Variants in SLIT3 observed in about 807,000 individuals in gnomAD.
SLIT3 encodes slit homolog 3 protein.
A neutral mutation model predicts 184.0 loss-of-function variants in SLIT3; 68 were observed. The observed-to-expected ratio is 0.37, with a 90% confidence interval of 0.30 to 0.45. The LOEUF (loss-of-function observed/expected upper bound fraction) is 0.45, where lower values mean the gene tolerates loss of function less well. Among genes scored for constraint, SLIT3 ranks in the 20% least tolerant of loss-of-function variants. The pLI, the probability that SLIT3 is intolerant of heterozygous loss-of-function variation, is 1.00. For synonymous variants in SLIT3, 831 were observed against 828.6 expected (o/e 1.00, Z -0.05); for missense variants, 1,707 against 2,026.0 (o/e 0.84, Z 3.02).
At chr5:169,159,838 G>A (rs1411512022) in intron 4 of SLIT3, among the ~76,000 whole-genome samples, 2 of 152,128 alleles carry the variant, frequency 1.3e-5, no homozygotes, top group African/African-American at 4.8e-5. Flanking sequence ...AAGCAAAAGT[G>A]CTACATGGCT....
At chr5:168,957,137 G>A (rs1188951105) in intron 4 of SLIT3, among the ~76,000 whole-genome samples, 3 of 150,598 alleles carry the variant, frequency 2.0e-5, no homozygotes, top group East Asian at 4.0e-4. Context: ...GCTGCGGCAG[G>A]AGAATCGCTG....
chr5:169,263,546 G>A (rs1766273308), intron 1 of SLIT3: 3 of 422,186 alleles, frequency 7.1e-6, no homozygotes, highest in East Asian at 9.7e-5. Context: ...AGATTGCGAG[G>A]CTCCAGAAGT....
At chr5:168,743,547 G>A (rs1203590672) in intron 20 of SLIT3, among the ~76,000 whole-genome samples, 4 of 152,028 alleles carry the variant, frequency 2.6e-5, no homozygotes, top group African/African-American at 4.8e-5. Context: ...CCCTCTCCTC[G>A]GACCTCCCTA....
intron 14 of SLIT3, 82 bp from the exon 15 acceptor site, chr5:168,762,771 C>A: frequency 7.0e-7 from 1 of 1,424,310 alleles, no homozygotes. Flanking sequence ...GGGTGGGAGA[C>A]AGAGATGGGG....
chr5:169,042,824 T>C (rs2113027806), intron 4 of SLIT3, among the ~76,000 whole-genome samples: 1 of 152,190 alleles, frequency 6.6e-6, no homozygotes, highest in South Asian at 2.1e-4. Flanking sequence ...TTTTAAGAAA[T>C]CCTGTTATTC....
chr5:168,810,729 T>C (rs1757133059), intron 8 of SLIT3, among the ~76,000 whole-genome samples: 1 of 152,156 alleles, frequency 6.6e-6, no homozygotes, highest in African/African-American at 2.4e-5. Flanking sequence ...CCCTGGACCA[T>C]GGCCTGATGA....
intron 8 of SLIT3, among the ~76,000 whole-genome samples, chr5:168,813,311 A>G (rs1387869838): frequency 9.2e-6 from 1 of 108,156 alleles, no homozygotes; most frequent in Non-Finnish European, 1.9e-5. Flanking sequence ...TTAGATAAGG[A>G]TGAAAAAAAA....
chr5:169,025,789 C>G, intron 4 of SLIT3, among the ~76,000 whole-genome samples: 1 of 152,276 alleles, frequency 6.6e-6, no homozygotes, highest in East Asian at 1.9e-4. Context: ...AAAAAAAAGT[C>G]TAAATCTAAA....
At chr5:168,727,465 C>T (rs968440332) in intron 20 of SLIT3, among the ~76,000 whole-genome samples, 2 of 152,134 alleles carry the variant, frequency 1.3e-5, no homozygotes, top group African/African-American at 4.8e-5. Context: ...GTGGACAGTC[C>T]AGAGCTTGAG....
At chr5:168,939,573 A>G (rs1195423443) in intron 4 of SLIT3, among the ~76,000 whole-genome samples, 1 of 152,372 alleles carries the variant, frequency 6.6e-6, no homozygotes, top group Middle Eastern at 3.4e-3. Flanking sequence ...AGCAACTTTA[A>G]GAGTTCTCCT....
chr5:169,233,720 T>G (rs1160851894), intron 3 of SLIT3, among the ~76,000 whole-genome samples: 2 of 152,234 alleles, frequency 1.3e-5, no homozygotes, highest in African/African-American at 4.8e-5. Flanking sequence ...ATAATGGCAC[T>G]TAAATTTGTT....
At chr5:169,032,901 A>G (rs1329947833) in intron 4 of SLIT3, among the ~76,000 whole-genome samples, 1 of 148,506 alleles carries the variant, frequency 6.7e-6, no homozygotes, top group African/African-American at 2.5e-5. Flanking sequence ...CCATCATCTC[A>G]TAAGTATCCA....
chr5:169,148,313 A>T (rs972956127), intron 4 of SLIT3, among the ~76,000 whole-genome samples: 3 of 152,214 alleles, frequency 2.0e-5, no homozygotes, highest in Non-Finnish European at 4.4e-5. Flanking sequence ...AACTATACAC[A>T]TGCTTGGGCT....
At chr5:168,782,664 C>T (rs1376726076) in intron 12 of SLIT3, among the ~76,000 whole-genome samples, 4 of 152,106 alleles carry the variant, frequency 2.6e-5, no homozygotes, top group Non-Finnish European at 4.4e-5. Context: ...ATCATGTGCC[C>T]AGTGATATGT....
chr5:169,038,852 C>T (rs1757348594), intron 4 of SLIT3, among the ~76,000 whole-genome samples: 1 of 152,106 alleles, frequency 6.6e-6, no homozygotes, highest in African/African-American at 2.4e-5. Flanking sequence ...GTTCCTACCT[C>T]CACCTCCAAG....
At chr5:168,799,687 T>TTGG (rs58476856) in intron 9 of SLIT3, among the ~76,000 whole-genome samples, 12 of 133,360 alleles carry the variant, frequency 9.0e-5, no homozygotes, top group South Asian at 7.0e-4. Context: ...TGTGGAAACA[T>TTGG]TGGTGGTGGT....
rs757369811 is a variant in SLIT3, at chr5:168,787,919, G to A, written c.1079+1641C>T. 8.5e-4 allele frequency among the ~76,000 whole-genome samples: 130 copies of A among 152,248 alleles called. 1 individual carries two copies. The highest frequency in any genetic ancestry group is 2.6e-3 in the African/African-American group (108 of 41,554). Reference sequence around the variant, plus strand: ...GTGTGTACAGTTCACTGCCACACTCGCAGTGCCTATAATACTGCCAGTACA... The same window carrying A: ...GTGTGTACAGTTCACTGCCACACTCACAGTGCCTATAATACTGCCAGTACA... On this transcript the variant is annotated intron_variant, in intron 11 of 35. Coordinates refer to ENST00000519560, the MANE Select transcript of SLIT3 (RefSeq NM_003062.4).
chr5:168,884,706 A>G (rs1760125634), intron 4 of SLIT3, among the ~76,000 whole-genome samples: 1 of 151,478 alleles, frequency 6.6e-6, no homozygotes, highest in African/African-American at 2.4e-5. Context: ...TAATGGTTGT[A>G]TATCGTCCAA....
chr5:169,026,651 T>C (rs1260846219), intron 4 of SLIT3: 1 of 152,220 alleles, frequency 6.6e-6, no homozygotes. Context: ...TATCTTTACA[T>C]GTGTATGTAT....
Sources: gnomAD v4.1 joint callset for allele counts (sites outside exome capture counted in the v4.1 genomes callset) on GRCh38, gnomAD v4.1.1 for gene constraint, MANE v1.5 for transcripts, NCBI Gene and HGNC (gene_info 2026-07-23, HGNC 2026-07-21) for gene names.